Variants in F11R observed in about 807,000 individuals in gnomAD.
F11R encodes F11 receptor, also known as junctional adhesion molecule A.
A neutral mutation model predicts 39.3 loss-of-function variants in F11R; 27 were observed. That is an observed-to-expected ratio of 0.69 (90% CI 0.51 to 0.95). The LOEUF (loss-of-function observed/expected upper bound fraction) is 0.95, where lower values mean the gene tolerates loss of function less well. Ranked by LOEUF, F11R falls within the 40% of genes least tolerant of loss-of-function variation. The probability of loss-of-function intolerance (pLI) is 0.00; values close to 1 mark genes in which losing one functional copy is unlikely to be tolerated. For missense variants in F11R, 335 were observed against 372.7 expected, an observed-to-expected ratio of 0.90 and a Z score of 0.83; for synonymous variants, 131 against 144.9, an observed-to-expected ratio of 0.90 and a Z score of 0.69.
intron 1 of F11R, among the ~76,000 whole-genome samples, chr1:161,007,950 C>T (rs1186799624): frequency 1.3e-5 from 2 of 152,158 alleles, no homozygotes; most frequent in African/African-American, 4.8e-5. Context: ...TGTCCATCCT[C>T]CTCATCTATT....
chr1:161,000,898 G>A, intron 3 of F11R, 121 bp from the exon 4 acceptor site: 1 of 1,474,390 alleles, frequency 6.8e-7, no homozygotes, highest in Admixed American at 1.8e-5. Context: ...GGGTAGGAAG[G>A]CCATGAGGAC....
At chr1:161,003,094 C>T (rs565960180) in intron 1 of F11R, among the ~76,000 whole-genome samples, 28 of 146,198 alleles carry the variant, frequency 1.9e-4, no homozygotes, top group African/African-American at 5.6e-4. Flanking sequence ...GGATTACAGG[C>T]GCTTACCACC....
Position 161,007,420 on chromosome 1 carries a change from G to A in F11R, c.65-6067C>T, listed in dbSNP as rs149341186. Among the ~76,000 whole-genome samples, 1,140 of 151,878 alleles carry A rather than the reference G, an allele frequency of 7.5e-3. 19 individuals carry two copies. The highest frequency in any genetic ancestry group is 0.026 in the African/African-American group (1,086 of 41,426). ...GCAGAGGTTGCAGTGAGCCAAGATC[G>A]TGCCATTGCACTCCAGCCTGGCCAA... On this transcript the variant is annotated intron_variant, in intron 1 of 9. Transcript: ENST00000368026.
At chr1:161,015,409 T>TAC (rs1557895383) in intron 1 of F11R, among the ~76,000 whole-genome samples, 2 of 45,630 alleles carry the variant, frequency 4.4e-5, no homozygotes, top group African/African-American at 1.5e-4. Context: ...AAAAAAAAAA[T>TAC]ATATATATAT....
At chr1:161,007,704 T>C (rs187349770) in intron 1 of F11R, among the ~76,000 whole-genome samples, 7 of 152,236 alleles carry the variant, frequency 4.6e-5, no homozygotes, top group African/African-American at 1.7e-4. Context: ...ATTATCATCA[T>C]CTGTTCATAG....
At chr1:161,006,393 T>C (rs929084866) in intron 1 of F11R, among the ~76,000 whole-genome samples, 1 of 152,156 alleles carries the variant, frequency 6.6e-6, no homozygotes, top group African/African-American at 2.4e-5. Context: ...AGCATCTAAT[T>C]AGACTAAAAA....
At position 161,000,144 on chromosome 1, in the gene F11R, A is replaced by G; in HGVS notation, c.591+2T>C. On this transcript the variant is annotated splice_donor_variant, in intron 5 of 9. Transcript: ENST00000368026. LOFTEE classifies it high-confidence loss of function. Reference sequence around the variant, plus strand: ...CATCTTTCACCACCACCCCATACATACCAGCTCTCCTGTTGTGGGATTCAG... The same window carrying G: ...CATCTTTCACCACCACCCCATACATGCCAGCTCTCCTGTTGTGGGATTCAG... 1 of 1,614,008 alleles carries G rather than the reference A, an allele frequency of 6.2e-7. No individual in the cohort carries two copies. The highest frequency in any genetic ancestry group is 8.5e-7 in the Non-Finnish European group (1 of 1,179,992).
In F11R at chr1:161,017,939, C is replaced by G. The variant is rs117719305; in HGVS notation, c.64+3071G>C. 3.1e-3 allele frequency among the ~76,000 whole-genome samples: 473 copies of G among 152,274 alleles called. 16 individuals carry two copies. In the East Asian group the frequency reaches 0.067, roughly 22 times the overall value. On this transcript the variant is annotated intron_variant, in intron 1 of 9. Transcript: ENST00000368026. ...CAGGGCAGCAGTTCTGCCCTGCCCA[C>G]GCGGAACTCTTCAGTGATGATACCA...
At chr1:161,013,663 C>T (rs1649290628) in intron 1 of F11R, among the ~76,000 whole-genome samples, 1 of 152,234 alleles carries the variant, frequency 6.6e-6, no homozygotes, top group Non-Finnish European at 1.5e-5. Flanking sequence ...CAACAACAGG[C>T]TGGGCTATGT....
At chr1:161,008,362 G>A (rs966342922) in intron 1 of F11R, among the ~76,000 whole-genome samples, 17 of 152,022 alleles carry the variant, frequency 1.1e-4, no homozygotes, top group African/African-American at 3.9e-4. Context: ...GGGCGTGGTC[G>A]CAGGCACCTG....
At chr1:161,000,854 G>A in intron 3 of F11R, 77 bp from the exon 4 acceptor site, 1 of 1,568,948 alleles carries the variant, frequency 6.4e-7, no homozygotes, top group South Asian at 1.1e-5. Flanking sequence ...GGCATCCAAG[G>A]TACGCAAGTG....
chr1:161,007,464 TCAGAA>T, intron 1 of F11R, among the ~76,000 whole-genome samples: 1 of 149,086 alleles, frequency 6.7e-6, no homozygotes, highest in Non-Finnish European at 1.5e-5. Flanking sequence ...AAACTCTGTC[TCAGAA>T]AAGAAAAAAA....
At chr1:161,006,372 A>C (rs1356614276) in intron 1 of F11R, among the ~76,000 whole-genome samples, 1 of 152,240 alleles carries the variant, frequency 6.6e-6, no homozygotes, top group Non-Finnish European at 1.5e-5. Context: ...GGCACCACCC[A>C]AATGAACAGC....
At chr1:161,018,516 G>C (rs555070982) in intron 1 of F11R, among the ~76,000 whole-genome samples, 1 of 152,172 alleles carries the variant, frequency 6.6e-6, no homozygotes, top group Non-Finnish European at 1.5e-5. Flanking sequence ...ATCCACAGGG[G>C]ATAACAGCTG....
In F11R at chr1:160,998,553, C is replaced by T. The variant is rs1253435308; in HGVS notation, c.*318G>A. 2 of 525,286 alleles carry T rather than the reference C, an allele frequency of 3.8e-6. No individual in the cohort carries two copies. The highest frequency in any genetic ancestry group is 3.5e-5 in the Admixed American group (1 of 28,594). The allele number at this position is 525,286 out of a possible 1,614,324, so 32.5% of individuals were successfully genotyped here. ...GGCAGTTGAGTGCAGATTCCTGCGA[C>T]CCCCGCCATTTTTGCTGTCTACTTA... On this transcript the variant is annotated 3_prime_UTR_variant, in exon 10 of 10. Coordinates refer to ENST00000368026, the MANE Select transcript of F11R (RefSeq NM_016946.6).
chr1:161,008,953 C>A (rs1363931063), intron 1 of F11R, among the ~76,000 whole-genome samples: 1 of 152,186 alleles, frequency 6.6e-6, no homozygotes, highest in African/African-American at 2.4e-5. Flanking sequence ...CCAGGAAGTG[C>A]TGGAAGAAAG....
At chr1:161,013,004 G>A (rs139445077) in intron 1 of F11R, among the ~76,000 whole-genome samples, 97 of 152,146 alleles carry the variant, frequency 6.4e-4, no homozygotes, top group Non-Finnish European at 1.1e-3. Flanking sequence ...ACATGTCGTC[G>A]GGGTTTGGTG....
intron 1 of F11R, among the ~76,000 whole-genome samples, chr1:161,002,261 CA>C (rs34007325): frequency 0.28 from 19,396 of 68,848 alleles, 1,089 homozygotes; most frequent in Non-Finnish European, 0.34. Context: ...GACTCAATCT[CA>C]AAAAAAAAAA....
At chr1:161,019,895 G>C (rs1427349508) in intron 1 of F11R, among the ~76,000 whole-genome samples, 2 of 152,130 alleles carry the variant, frequency 1.3e-5, no homozygotes, top group South Asian at 2.1e-4. Context: ...TCTCCCAAGG[G>C]TTTATGTTGT....
Sources: gnomAD v4.1 joint callset for allele counts (sites outside exome capture counted in the v4.1 genomes callset) on GRCh38, gnomAD v4.1.1 for gene constraint, MANE v1.5 for transcripts, NCBI Gene and HGNC (gene_info 2026-07-23, HGNC 2026-07-21) for gene names.